ETV5: variants seen among roughly 807,000 people sequenced by gnomAD.
The protein encoded by ETV5 is ETS translocation variant 5.
ETV5 carries 10 observed loss-of-function variants against 70.0 expected under a neutral mutation model. The ratio of observed to expected loss-of-function variants is 0.14; its 90% CI spans 0.09 to 0.24. ETV5 has a LOEUF of 0.24. Ranked by LOEUF, ETV5 falls within the 10% of genes least tolerant of loss-of-function variation. The pLI is 1.00. For missense variants in ETV5, 453 were observed against 651.2 expected (o/e 0.70, Z 3.31); for synonymous variants, 216 against 242.2 (o/e 0.89, Z 1.01).
At chr3:186,101,983 T>C (rs779946405) in intron 5 of ETV5, among the ~76,000 whole-genome samples, 2 of 152,204 alleles carry the variant, frequency 1.3e-5, no homozygotes, top group African/African-American at 4.8e-5. Flanking sequence ...TACTGATATC[T>C]ATATGTGTGA....
Position 186,058,332 on chromosome 3 carries a change from T to A in ETV5, c.971-841A>T, listed in dbSNP as rs1475758812. 3.3e-5 allele frequency among the ~76,000 whole-genome samples: 5 copies of A among 152,280 alleles called. No individual in the cohort carries two copies. The South Asian group carries it at 6.2e-4, about 19-fold the overall frequency. On this transcript the variant is annotated intron_variant, in intron 9 of 12. Coordinates refer to ENST00000306376, the MANE Select transcript of ETV5 (RefSeq NM_004454.3). ...CAGGTAACAGATAACTTGGATGGGG[T>A]CACATCCCTCCTTGTAGTTCAGCCT...
intron 9 of ETV5, among the ~76,000 whole-genome samples, chr3:186,063,060 A>C (rs1553787037): frequency 1.3e-5 from 2 of 152,176 alleles, no homozygotes; most frequent in Non-Finnish European, 1.5e-5. Context: ...TCACGAGGTC[A>C]GGAGATTGAG....
chr3:186,085,561 T>G (rs1342800228), intron 5 of ETV5, among the ~76,000 whole-genome samples: 1 of 146,308 alleles, frequency 6.8e-6, no homozygotes, highest in Non-Finnish European at 1.5e-5. Flanking sequence ...CAGGCTGGAG[T>G]GCAATGGTGC....
At chr3:186,070,819 A>C (rs1008415981) in intron 7 of ETV5, among the ~76,000 whole-genome samples, 1 of 152,228 alleles carries the variant, frequency 6.6e-6, no homozygotes, top group African/African-American at 2.4e-5. Context: ...TTACCAAGGC[A>C]GGCAATCACT....
At chr3:186,072,837 TA>T (rs1713676257) in intron 7 of ETV5, among the ~76,000 whole-genome samples, 1 of 152,168 alleles carries the variant, frequency 6.6e-6, no homozygotes, top group Non-Finnish European at 1.5e-5. Flanking sequence ...GTTGTAGATA[TA>T]ACATTAATAA....
chr3:186,055,660 C>T (rs948203006), intron 11 of ETV5, among the ~76,000 whole-genome samples: 1 of 152,212 alleles, frequency 6.6e-6, no homozygotes, highest in African/African-American at 2.4e-5. Context: ...TCCTATCAAT[C>T]AGGATTCTTC....
chr3:186,090,016 A>G (rs908284072), intron 5 of ETV5, among the ~76,000 whole-genome samples: 3 of 152,240 alleles, frequency 2.0e-5, no homozygotes, highest in Non-Finnish European at 2.9e-5. Context: ...AAAACCATAT[A>G]TACACAGAGA....
intron 5 of ETV5, among the ~76,000 whole-genome samples, chr3:186,098,653 T>A (rs1186889136): frequency 6.6e-6 from 1 of 152,150 alleles, no homozygotes; most frequent in Non-Finnish European, 1.5e-5. Context: ...CTGGCTTTGC[T>A]TCTTAGATAT....
At chr3:186,056,464 T>A (rs1162310149) in intron 11 of ETV5, among the ~76,000 whole-genome samples, 1 of 151,982 alleles carries the variant, frequency 6.6e-6, no homozygotes, top group East Asian at 1.9e-4. Flanking sequence ...CCCAGGCTGG[T>A]CTCAAAATCC....
intron 7 of ETV5, among the ~76,000 whole-genome samples, chr3:186,066,282 C>CAAAAAAAAAAA (rs1356517173): frequency 9.6e-4 from 43 of 44,844 alleles, no homozygotes; most frequent in Non-Finnish European, 1.2e-3. Flanking sequence ...AAAAAAAAAT[C>CAAAAAAAAAAA]AAAGCAATGA....
At chr3:186,049,709 T>A (rs988784862) in intron 12 of ETV5, among the ~76,000 whole-genome samples, 1 of 152,272 alleles carries the variant, frequency 6.6e-6, no homozygotes, top group Admixed American at 6.5e-5. Flanking sequence ...CATTCTGCTG[T>A]GATTCTAAAA....
Position 186,052,146 on chromosome 3 carries a change from A to G in ETV5, c.1210-15T>C, listed in dbSNP as rs1713047163. On this transcript the variant is annotated splice_polypyrimidine_tract_variant and intron_variant, in intron 11 of 12. Coordinates refer to ENST00000306376, the MANE Select transcript of ETV5 (RefSeq NM_004454.3). This position sits in a 1 kb window ranked among gnomAD's most constrained non-coding sequence, Gnocchi z 4.5. ...CGCCGAGCAACCTGAAGAGACAGGAAAGTGAAGAGCAATGGAAACGCATTC... is the reference window on the plus strand; with the variant it reads ...CGCCGAGCAACCTGAAGAGACAGGAGAGTGAAGAGCAATGGAAACGCATTC... 6.2e-7 allele frequency: 1 copy of G among 1,612,820 alleles called. No homozygotes were observed. Among genetic ancestry groups the G allele is most frequent in the Non-Finnish European group, 8.5e-7 (1 of 1,179,050 alleles).
chr3:186,074,375 G>C (rs1018194193), intron 7 of ETV5, among the ~76,000 whole-genome samples: 2 of 152,258 alleles, frequency 1.3e-5, no homozygotes, highest in Non-Finnish European at 2.9e-5. Flanking sequence ...ATGGTTGTTA[G>C]CAGTAAATTC....
rs764899119 is a variant in ETV5 at position 186,105,272 on chromosome 3, G to C, written c.232+33C>G. 6.3e-7 allele frequency: 1 copy of C among 1,593,206 alleles called. No individual in the cohort carries two copies. Among genetic ancestry groups the C allele is most frequent in the East Asian group, 2.2e-5 (1 of 44,750 alleles). The stretch of plus-strand genomic sequence containing the variant: ...GATGATCTAAGACCAAACAATTTCA[G>C]AACAAATGTGCCATCACCAGAAAGG... On this transcript the variant is annotated intron_variant, in intron 5 of 12. Transcript: ENST00000306376. This position sits in a 1 kb window ranked among gnomAD's most constrained non-coding sequence, Gnocchi z 4.5.
At chr3:186,095,880 G>A (rs1438509822) in intron 5 of ETV5, among the ~76,000 whole-genome samples, 1 of 152,258 alleles carries the variant, frequency 6.6e-6, no homozygotes, top group Non-Finnish European at 1.5e-5. Context: ...GGAAGGGCAT[G>A]TGGTAGGGAA....
chr3:186,099,187 T>A (rs990659614), intron 5 of ETV5, among the ~76,000 whole-genome samples: 19 of 152,168 alleles, frequency 1.2e-4, no homozygotes, highest in African/African-American at 4.6e-4. Context: ...TACATTATGG[T>A]TATAATTTAT....
chr3:186,056,331 C>T (rs986542157), intron 11 of ETV5, among the ~76,000 whole-genome samples: 1 of 152,204 alleles, frequency 6.6e-6, no homozygotes, highest in East Asian at 1.9e-4. Context: ...CAGGCTCAAT[C>T]GATCCTCCCT....
intron 7 of ETV5, 28 bp from the exon 8 acceptor site, chr3:186,066,100 G>GA: frequency 6.5e-7 from 1 of 1,532,332 alleles, no homozygotes; most frequent in Non-Finnish European, 8.8e-7. Context: ...TTTTCATGTT[G>GA]AACAAAGACT....
At chr3:186,092,333 A>G (rs1714200497) in intron 5 of ETV5, among the ~76,000 whole-genome samples, 1 of 152,262 alleles carries the variant, frequency 6.6e-6, no homozygotes, top group Admixed American at 6.5e-5. Flanking sequence ...TATCTGAAAC[A>G]TCTCTAAGAG....
Sources: gnomAD v4.1 joint callset for allele counts (sites outside exome capture counted in the v4.1 genomes callset) on GRCh38, gnomAD v4.1.1 for gene constraint, Gnocchi (gnomAD v3.1) non-coding constraint, MANE v1.5 for transcripts, NCBI Gene and HGNC (gene_info 2026-07-23, HGNC 2026-07-21) for gene names.